The following SPATA3 variants were observed in gnomAD, a reference collection of about 807,000 sequenced individuals.
The protein encoded by SPATA3 is spermatogenesis associated 3.
A neutral mutation model predicts 5.7 loss-of-function variants in SPATA3; 6 were observed. The observed-to-expected ratio is 1.06, with a 90% CI of 0.58 to 2.09. SPATA3 has a LOEUF of 2.09. Among genes scored for constraint, SPATA3 ranks in the 30% most tolerant of loss-of-function variants. The probability of loss-of-function intolerance (pLI) is 0.00; values close to 1 mark genes in which losing one functional copy is unlikely to be tolerated. For missense variants in SPATA3, 155 were observed against 130.4 expected, an observed-to-expected ratio of 1.19 and a Z score of -0.92; for synonymous variants, 44 against 48.4, an observed-to-expected ratio of 0.91 and a Z score of 0.37.
At position 231,013,192 on chromosome 2, in the gene SPATA3, T is replaced by C. The variant is rs377056529; in HGVS notation, c.*226+495T>C. On this transcript the variant is annotated intron_variant, in intron 5 of 8. Coordinates refer to the SPATA3 transcript ENST00000452881. ...AGTCTCCCCACCTACCAGCGCCCTCTTGAGTATCCATCCCCCTTCCCCCAA... is the reference window on the plus strand; with the variant it reads ...AGTCTCCCCACCTACCAGCGCCCTCCTGAGTATCCATCCCCCTTCCCCCAA... Among the ~76,000 whole-genome samples, 15 of 152,240 alleles carry C rather than the reference T, an allele frequency of 9.9e-5. No homozygotes were observed. The East Asian group carries it at 2.9e-3, about 29-fold the overall frequency.
chr2:231,005,521 C>T (rs2125110691), downstream of SPATA3, among the ~76,000 whole-genome samples: 1 of 37,692 alleles, frequency 2.7e-5, no homozygotes, highest in Non-Finnish European at 5.8e-5. Context: ...CCACCATCAC[C>T]ACCACCACCA....
intron 6 of SPATA3, among the ~76,000 whole-genome samples, chr2:231,019,206 T>C (rs2125128924): frequency 6.6e-6 from 1 of 151,212 alleles, no homozygotes; most frequent in East Asian, 2.0e-4. Context: ...CCCGACCTTG[T>C]GATCCGCCCA....
chr2:231,003,335 C>T (rs1285666293), downstream of SPATA3, among the ~76,000 whole-genome samples: 1 of 152,238 alleles, frequency 6.6e-6, no homozygotes, highest in East Asian at 1.9e-4. Context: ...TCCTGCAAGA[C>T]CCCTGAGGGC....
chr2:231,014,967 C>G (rs113119592), intron 6 of SPATA3, among the ~76,000 whole-genome samples: 1 of 152,096 alleles, frequency 6.6e-6, no homozygotes, highest in Non-Finnish European at 1.5e-5. Flanking sequence ...AAAGGGAGCA[C>G]CAGCAAACCC....
downstream of SPATA3, among the ~76,000 whole-genome samples, chr2:231,010,879 G>A (rs1692762891): frequency 2.0e-5 from 3 of 149,972 alleles, no homozygotes; most frequent in African/African-American, 4.9e-5. Flanking sequence ...ACCAGTCTGG[G>A]CAGCATGGCG....
chr2:230,998,596 G>A (rs1692223678), intron 1 of SPATA3, among the ~76,000 whole-genome samples: 1 of 152,240 alleles, frequency 6.6e-6, no homozygotes, highest in African/African-American at 2.4e-5. Context: ...TGTTGGAGAT[G>A]AAGGATGAGG....
chr2:231,019,329 CTT>C (rs35230802), intron 6 of SPATA3, among the ~76,000 whole-genome samples: 2 of 138,150 alleles, frequency 1.4e-5, no homozygotes, highest in African/African-American at 2.7e-5. Flanking sequence ...TTCAATCTCA[CTT>C]TTTTTTTTTT....
At chr2:231,004,053 C>G (rs573144149), downstream of SPATA3, 6 of 152,308 alleles carry the variant, frequency 3.9e-5, no homozygotes, top group South Asian at 1.2e-3. Context: ...CCACCAGCCC[C>G]AGGAGTTGAT....
Position 231,019,329 on chromosome 2 carries a change from C to CT in SPATA3, c.*566-379dup, listed in dbSNP as rs35230802. 4.0e-3 allele frequency among the ~76,000 whole-genome samples: 547 copies of CT among 138,068 alleles called. 1 individual carries two copies. The highest frequency in any genetic ancestry group is 5.3e-3 in the African/African-American group (197 of 37,278). The allele number at this position is 138,068 out of a possible 152,430, so 90.6% of individuals were successfully genotyped here. ...AGATACTTAAGTTTATTCAATCTCA[C>CT]TTTTTTTTTTTTGAGACAGAGTCTT... On this transcript the variant is annotated intron_variant, in intron 6 of 8. Coordinates refer to the SPATA3 transcript ENST00000452881.
chr2:231,010,556 G>C (rs1331486516), downstream of SPATA3, among the ~76,000 whole-genome samples: 1 of 152,176 alleles, frequency 6.6e-6, no homozygotes, highest in Non-Finnish European at 1.5e-5. Flanking sequence ...ACTAGCTCTG[G>C]GGAGAATGGG....
In SPATA3 at chr2:231,000,548, C is replaced by G. The variant is rs113515269; in HGVS notation, c.962+11C>G. On this transcript the variant is annotated intron_variant, in intron 2 of 2. Coordinates refer to ENST00000645363, the Ensembl canonical transcript of SPATA3. Reference sequence around the variant, plus strand: ...GCTCACCTTCTACAGGTTCCAAGCGCGAGGGGCTGGAGCCTCGGGGCACAC... The same window carrying G: ...GCTCACCTTCTACAGGTTCCAAGCGGGAGGGGCTGGAGCCTCGGGGCACAC... 1 of 1,505,112 alleles carries G rather than the reference C, an allele frequency of 6.6e-7. No individual in the cohort carries two copies. The highest frequency in any genetic ancestry group is 1.4e-5 in the African/African-American group (1 of 71,910). The allele number at this position is 1,505,112 out of a possible 1,614,324, so 93.2% of individuals were successfully genotyped here. A position where few individuals can be genotyped will look rare whatever the true frequency, so the allele number is the denominator to read the frequency against.
At chr2:231,001,082 T>C (rs1454039094) in intron 2 of SPATA3, among the ~76,000 whole-genome samples, 1 of 151,920 alleles carries the variant, frequency 6.6e-6, no homozygotes, top group Non-Finnish European at 1.5e-5. Flanking sequence ...TTTCTGGGGG[T>C]CTCCACAGGG....
downstream of SPATA3, among the ~76,000 whole-genome samples, chr2:231,007,845 G>A (rs1477864252): frequency 6.6e-6 from 1 of 152,172 alleles, no homozygotes; most frequent in African/African-American, 2.4e-5. Flanking sequence ...GGGGAGAGGA[G>A]TGTCAACGAG....
intron 2 of SPATA3, among the ~76,000 whole-genome samples, chr2:231,001,392 G>GCC (rs1399225234): frequency 1.3e-5 from 2 of 151,996 alleles, no homozygotes; most frequent in African/African-American, 2.4e-5. Flanking sequence ...AGGAACTGAG[G>GCC]CCCCCCAACC....
downstream of SPATA3, chr2:231,002,860 G>T (rs753314721): frequency 2.9e-6 from 3 of 1,049,940 alleles, no homozygotes; most frequent in African/African-American, 5.0e-5. Context: ...TCGAATGGAG[G>T]TGGTCTCTTC....
intron 6 of SPATA3, among the ~76,000 whole-genome samples, chr2:231,016,620 G>C (rs950338564): frequency 1.3e-5 from 2 of 152,140 alleles, no homozygotes; most frequent in Non-Finnish European, 2.9e-5. Context: ...GGAAGGCGGA[G>C]GTTGCAGTGA....
chr2:231,017,775 G>A (rs1250423903), intron 6 of SPATA3, among the ~76,000 whole-genome samples: 1 of 152,188 alleles, frequency 6.6e-6, no homozygotes, highest in East Asian at 1.9e-4. Context: ...TGTTTTTGTG[G>A]GGAGTTTTGA....
downstream of SPATA3, among the ~76,000 whole-genome samples, chr2:231,003,374 C>A (rs1692425938): frequency 6.6e-6 from 1 of 152,080 alleles, no homozygotes; most frequent in Non-Finnish European, 1.5e-5. Context: ...AGCCATCTTC[C>A]CTCATCCCTG....
intron 2 of SPATA3, among the ~76,000 whole-genome samples, chr2:231,001,534 G>A (rs1248710360): frequency 6.6e-6 from 1 of 152,094 alleles, no homozygotes; most frequent in South Asian, 2.1e-4. Flanking sequence ...GGGAGAACAC[G>A]CTTGGAGCCA....
Sources: allele counts gnomAD v4.1 joint callset (sites outside exome capture counted in the v4.1 genomes callset), GRCh38; gene constraint gnomAD v4.1.1; transcripts MANE v1.5; gene names NCBI Gene and HGNC (gene_info 2026-07-23, HGNC 2026-07-21).